The following KLRG1 variants were observed in gnomAD, a reference collection of about 807,000 sequenced individuals.
KLRG1 encodes the protein killer cell lectin like receptor G1, also known as killer cell lectin-like receptor subfamily G member 1.
Under a neutral mutation model 21.8 loss-of-function variants are expected in KLRG1, and 16 were observed. The ratio of observed to expected loss-of-function variants is 0.73; its 90% CI spans 0.50 to 1.11. The LOEUF (loss-of-function observed/expected upper bound fraction) is 1.11, where lower values mean the gene tolerates loss of function less well. Among genes scored for constraint, KLRG1 ranks in the 50% most tolerant of loss-of-function variants. The pLI, the probability that KLRG1 is intolerant of heterozygous loss-of-function variation, is 0.00. For missense variants in KLRG1, 173 were observed against 218.3 expected (o/e 0.79, Z 1.31); for synonymous variants, 69 against 75.9 (o/e 0.91, Z 0.47).
chr12:9,120,852 C>CATGTGTGTGTGTGTGTGT, the KLRG1 span, among the ~76,000 whole-genome samples: 61 of 143,474 alleles, frequency 4.3e-4, no homozygotes, highest in African/African-American at 1.3e-3. Context: ...ATCCCACTAA[C>CATGTGTGTGTGTGTGTGT]GTGTGTGTGT....
At chr12:9,107,367 T>C in the KLRG1 span, among the ~76,000 whole-genome samples, 12 of 152,206 alleles carry the variant, frequency 7.9e-5, no homozygotes, top group Non-Finnish European at 1.8e-4. Flanking sequence ...ATAATTCCCA[T>C]TGTGCTAAGT....
At chr12:9,210,812 G>A in the KLRG1 span, among the ~76,000 whole-genome samples, 1 of 152,070 alleles carries the variant, frequency 6.6e-6, no homozygotes, top group African/African-American at 2.4e-5. Flanking sequence ...ATGTTTATAT[G>A]TATGTATTTT....
the KLRG1 span, among the ~76,000 whole-genome samples, chr12:9,203,372 C>T: frequency 2.3e-5 from 3 of 132,524 alleles, no homozygotes; most frequent in African/African-American, 5.7e-5. Context: ...GACGGAGTCT[C>T]GCTCTGTCGC....
rs769874165 is a variant in KLRG1 at position 9,009,003 on chromosome 12, C to A, written c.386C>A (p.Ala129Asp). ...MSLLQVFLSEAFCWIGLRNNS... is the reference protein window; with the variant it reads ...MSLLQVFLSEDFCWIGLRNNS... ...CTGCTCCAAGTTTTCCTCAGTGAGG[C>A]CTTTTGCTGGATTGGTCTGAGGAAC... is the stretch of plus-strand genomic sequence containing the variant. Residue 129 changes from alanine to aspartate, a missense_variant, in exon 4 of 5, where the codon GCC becomes GAC. Physicochemically the swap from Ala to Asp is moderately radical, Grantham distance 126 (BLOSUM62 -2). Transcript: ENST00000356986. 21 of 1,613,712 alleles carry A rather than the reference C, an allele frequency of 1.3e-5. No homozygotes were observed. Among genetic ancestry groups the A allele is most frequent in the Non-Finnish European group, 1.6e-5 (19 of 1,179,872 alleles).
At chr12:8,962,778 G>A (rs1946402632) in intron 1 of KLRG1, among the ~76,000 whole-genome samples, 1 of 150,932 alleles carries the variant, frequency 6.6e-6, no homozygotes, top group African/African-American at 2.4e-5. Flanking sequence ...TAAACACAAA[G>A]GGAAAACAGA....
the KLRG1 span, chr12:9,065,741 G>A: frequency 6.6e-6 from 1 of 152,244 alleles, no homozygotes; most frequent in Non-Finnish European, 1.5e-5. Flanking sequence ...GGTAACTTGT[G>A]GTGCTGCTCC....
At chr12:8,951,333 G>A (rs1946200320) in intron 1 of KLRG1, among the ~76,000 whole-genome samples, 1 of 152,054 alleles carries the variant, frequency 6.6e-6, no homozygotes, top group Non-Finnish European at 1.5e-5. Context: ...GCTGGGCTTG[G>A]TGGTGCACAC....
At chr12:9,014,481 C>G (rs998423876), downstream of KLRG1, among the ~76,000 whole-genome samples, 4 of 152,056 alleles carry the variant, frequency 2.6e-5, no homozygotes, top group Non-Finnish European at 4.4e-5. Flanking sequence ...AGGAAAAAAA[C>G]TTTTACCCTA....
At chr12:8,984,080 G>T (rs1592256952) in intron 1 of KLRG1, among the ~76,000 whole-genome samples, 1 of 151,990 alleles carries the variant, frequency 6.6e-6, no homozygotes, top group African/African-American at 2.4e-5. Flanking sequence ...CTGAGGTTCT[G>T]TTCATTTTTT....
the KLRG1 span, chr12:9,067,855 G>GA: frequency 8.1e-6 from 13 of 1,610,112 alleles, no homozygotes; most frequent in Non-Finnish European, 1.1e-5. Flanking sequence ...ACATTGGAAA[G>GA]AAAAAAAATT....
chr12:9,181,135 G>A, the KLRG1 span: 4 of 1,614,012 alleles, frequency 2.5e-6, no homozygotes, highest in Non-Finnish European at 3.4e-6. Context: ...AAATCCACCT[G>A]TGGGAAATGA....
the KLRG1 span, among the ~76,000 whole-genome samples, chr12:9,107,228 G>A: frequency 6.6e-6 from 1 of 152,108 alleles, no homozygotes; most frequent in African/African-American, 2.4e-5. Flanking sequence ...CTGATGGCCT[G>A]GCCAGCTAAG....
At chr12:9,160,242 T>C in the KLRG1 span, 1 of 1,364,720 alleles carries the variant, frequency 7.3e-7, no homozygotes, top group Non-Finnish European at 1.0e-6. Context: ...TAATATTTGA[T>C]GATATAACTG....
intron 3 of KLRG1, among the ~76,000 whole-genome samples, chr12:9,001,491 G>C (rs976766653): frequency 5.9e-5 from 9 of 152,062 alleles, no homozygotes; most frequent in African/African-American, 1.7e-4. Flanking sequence ...CACTGATAAA[G>C]GTATCTAGGT....
the KLRG1 span, among the ~76,000 whole-genome samples, chr12:9,056,647 A>G: frequency 6.6e-6 from 1 of 151,800 alleles, no homozygotes; most frequent in African/African-American, 2.4e-5. Flanking sequence ...CTGGGTTCCA[A>G]TGATCGTCCT....
the KLRG1 span, chr12:9,110,151 G>C: frequency 8.2e-7 from 1 of 1,226,690 alleles, no homozygotes; most frequent in East Asian, 2.3e-5. Flanking sequence ...TAGTAGTAAA[G>C]GGTGAGTAGA....
the KLRG1 span, chr12:9,163,767 A>G: frequency 1.2e-6 from 2 of 1,612,644 alleles, no homozygotes; most frequent in Admixed American, 1.7e-5. Context: ...TTGCCTCTGC[A>G]CTCACTGAGA....
the KLRG1 span, chr12:9,076,780 G>A: frequency 3.7e-6 from 6 of 1,613,888 alleles, no homozygotes; most frequent in Non-Finnish European, 5.1e-6. Flanking sequence ...TCCTCATTAA[G>A]TGACTTGAGT....
At chr12:9,200,242 A>G in the KLRG1 span, 1 of 547,914 alleles carries the variant, frequency 1.8e-6, no homozygotes, top group East Asian at 3.0e-5. Context: ...TTAAATAAAG[A>G]GAAGTCAAAG....
Sources: allele counts gnomAD v4.1 joint callset (sites outside exome capture counted in the v4.1 genomes callset), GRCh38; gene constraint gnomAD v4.1.1; transcripts MANE v1.5; gene names NCBI Gene and HGNC (gene_info 2026-07-23, HGNC 2026-07-21).